POLQ: variants seen among roughly 807,000 people sequenced by gnomAD.
The protein encoded by POLQ is DNA polymerase theta.
Under a neutral mutation model 259.2 loss-of-function variants are expected in POLQ, and 233 were observed. The observed-to-expected ratio is 0.90, with a 90% CI of 0.81 to 1.00. POLQ has a LOEUF of 1.00. Among genes scored for constraint, POLQ ranks in the 50% least tolerant of loss-of-function variants. The pLI, the probability that POLQ is intolerant of heterozygous loss-of-function variation, is 0.00. For synonymous variants in POLQ, 1,025 were observed against 1,048.8 expected, an observed-to-expected ratio of 0.98 and a Z score of 0.44; for missense variants, 2,871 against 3,051.6, an observed-to-expected ratio of 0.94 and a Z score of 1.39.
rs1380178276 is a variant in POLQ, at chr3:121,487,997, A to G, written c.4934T>C (p.Ile1645Thr). Residue 1645 changes from isoleucine (I) to threonine (T), a missense_variant, in exon 16 of 30, where the codon ATT becomes ACT. Ile to Thr is a moderately conservative substitution (Grantham distance 89). Transcript: ENST00000264233. ...SFDLSPGLQR[I>T]LDKVSSPLEN... is the part of the protein sequence containing the mutation. ...TAGAGGACTGGATACTTTATCTAAA[A>G]TCCTTTGCAGTCCTGGACTTAGATC... 6.2e-7 allele frequency: 1 copy of G among 1,612,946 alleles called. No homozygotes were observed. Among genetic ancestry groups the G allele is most frequent in the Non-Finnish European group, 8.5e-7 (1 of 1,179,642 alleles).
intron 8 of POLQ, 93 bp downstream of exon 8, chr3:121,521,910 T>C: frequency 2.2e-6 from 2 of 900,230 alleles, no homozygotes; most frequent in Non-Finnish European, 3.3e-6. Flanking sequence ...ACATTAAGTG[T>C]GTTTAACAAG....
intron 4 of POLQ, among the ~76,000 whole-genome samples, chr3:121,538,405 G>A (rs938589004): frequency 6.6e-6 from 1 of 151,822 alleles, no homozygotes; most frequent in East Asian, 1.9e-4. Context: ...GTTTCCACAT[G>A]TACTGGTATT....
chr3:121,497,783 C>T (rs554719510), intron 13 of POLQ, among the ~76,000 whole-genome samples: 1 of 152,254 alleles, frequency 6.6e-6, no homozygotes, highest in Admixed American at 6.5e-5. Context: ...CCAATTTTTC[C>T]ACCTGAATCT....
At position 121,460,036 on chromosome 3, in the gene POLQ, T is replaced by C. The variant is rs1486328806; in HGVS notation, c.7152+14A>G. The C allele has an allele frequency of 6.2e-7, 1 of 1,600,996 alleles. No homozygotes were observed. The highest frequency in any genetic ancestry group is 2.2e-5 in the East Asian group (1 of 44,826). ...ATTCTTCTCCTTTATATTAACCATG[T>C]TCACTAAAATCACCTGTTTTGCCTG... On this transcript the variant is annotated intron_variant, in intron 25 of 29. Transcript: ENST00000264233.
At chr3:121,508,246 C>T (rs185535482) in intron 12 of POLQ, among the ~76,000 whole-genome samples, 4 of 152,166 alleles carry the variant, frequency 2.6e-5, no homozygotes, top group South Asian at 4.1e-4. Context: ...CTAACACTGC[C>T]AACAGTCTTC....
chr3:121,468,755 C>T (rs986481727), intron 22 of POLQ, among the ~76,000 whole-genome samples: 20 of 152,024 alleles, frequency 1.3e-4, no homozygotes, highest in Admixed American at 3.9e-4. Context: ...AACATGTTAG[C>T]GGTCATATTA....
intron 21 of POLQ, among the ~76,000 whole-genome samples, chr3:121,472,498 GC>G (rs1383482630): frequency 6.6e-6 from 1 of 151,984 alleles, no homozygotes; most frequent in East Asian, 1.9e-4. Flanking sequence ...TTCCTCCTTC[GC>G]TCCTCACATG....
chr3:121,453,882 G>A (rs942917692), intron 25 of POLQ, among the ~76,000 whole-genome samples: 24 of 152,050 alleles, frequency 1.6e-4, no homozygotes, highest in Non-Finnish European at 2.5e-4. Context: ...TCCAGAGAAC[G>A]CCACAAAGAT....
chr3:121,436,020 T>C (rs1205635005), intron 28 of POLQ, 102 bp downstream of exon 28: 1 of 987,660 alleles, frequency 1.0e-6, no homozygotes, highest in Non-Finnish European at 1.5e-6. Context: ...GACCAAAACA[T>C]TTGAGAACTG....
At position 121,488,464 on chromosome 3, in the gene POLQ, T is replaced by G. The variant is rs1293573010; in HGVS notation, c.4467A>C (p.Leu1489Phe). The G allele has an allele frequency of 6.2e-7, 1 of 1,609,730 alleles. No individual in the cohort carries two copies. Among genetic ancestry groups the G allele is most frequent in the South Asian group, 1.1e-5 (1 of 89,896 alleles). ...AGTCATCACTGAAGCTATCAAATAG[T>G]AAACTATCACTCATATTCAAACTTG... ...PETSLNMSDS[L>F]LFDSFSDDYL... Residue 1489 changes from leucine to phenylalanine, a missense_variant, in exon 16 of 30, where the codon TTA becomes TTC. This residue lies in a region of POLQ where 2,080 missense variants were observed against 2,126.0 expected (regional missense o/e 0.98). Transcript: ENST00000264233.
At position 121,519,893 on chromosome 3, in the gene POLQ, G is replaced by A; in HGVS notation, c.1446C>T (p.Gly482=). The A allele has an allele frequency of 1.3e-6, 2 of 1,594,224 alleles. No individual in the cohort carries two copies. Among genetic ancestry groups the A allele is most frequent in the Non-Finnish European group, 1.7e-6 (2 of 1,162,020 alleles). ...TACCTACTGTGTCCACTCCTTTCCT[G>A]CCAGCACGGCCAACCATCTGCTTAT... ...LTYKQMVGRA[G]RKGVDTVGES... The change falls in exon 9 of 30, where the codon GGC becomes GGT. Residue 482 remains glycine, a synonymous_variant. Coordinates refer to ENST00000264233, the MANE Select transcript of POLQ (RefSeq NM_199420.4).
intron 19 of POLQ, among the ~76,000 whole-genome samples, chr3:121,478,690 G>A (rs1474165132): frequency 2.0e-5 from 3 of 150,834 alleles, no homozygotes; most frequent in African/African-American, 7.3e-5. Context: ...ATAGAAAAAA[G>A]CTATATGAAC....
intron 25 of POLQ, among the ~76,000 whole-genome samples, chr3:121,457,523 CAAACAAACTTACAAGAAAA>C (rs1435072242): frequency 6.6e-6 from 1 of 152,028 alleles, no homozygotes; most frequent in African/African-American, 2.4e-5. Flanking sequence ...ACAATGAACT[CAAACAAACTTACAAGAAAA>C]AAACAAACAA....
chr3:121,447,925 T>C (rs1431389859), intron 26 of POLQ, among the ~76,000 whole-genome samples: 1 of 152,240 alleles, frequency 6.6e-6, no homozygotes, highest in Non-Finnish European at 1.5e-5. Context: ...TATTTGATTA[T>C]TTTATCTTGC....
chr3:121,538,102 T>G (rs1479626410), intron 4 of POLQ, among the ~76,000 whole-genome samples: 1 of 152,150 alleles, frequency 6.6e-6, no homozygotes, highest in Non-Finnish European at 1.5e-5. Flanking sequence ...ATCAAAGACA[T>G]CTATGTCAGT....
chr3:121,519,207 G>T (rs2048319184), intron 9 of POLQ, among the ~76,000 whole-genome samples: 1 of 151,926 alleles, frequency 6.6e-6, no homozygotes, highest in African/African-American at 2.4e-5. Flanking sequence ...AAATTAATTA[G>T]TGCTAAAGAG....
At chr3:121,440,216 A>G in intron 26 of POLQ, 100 bp from the exon 27 acceptor site, 1 of 791,022 alleles carries the variant, frequency 1.3e-6, no homozygotes, top group Non-Finnish European at 2.0e-6. Context: ...CCCCACGATG[A>G]TTCTTAACAT....
Position 121,537,758 on chromosome 3 carries a change from G to C in POLQ, c.632-550C>G, listed in dbSNP as rs149478942. Among the ~76,000 whole-genome samples the C allele has an allele frequency of 2.1e-3, 315 of 152,210 alleles. 2 individuals are homozygous for C. The Middle Eastern group carries it at 0.031, about 15-fold the overall frequency. On this transcript the variant is annotated intron_variant, in intron 4 of 29. Coordinates refer to ENST00000264233, the MANE Select transcript of POLQ (RefSeq NM_199420.4). ...ACAAGAGAAAAACAAATGGGACCTAGAGAAATCACAACGGCTCCACTTCAT... is the reference window on the plus strand; with the variant it reads ...ACAAGAGAAAAACAAATGGGACCTACAGAAATCACAACGGCTCCACTTCAT...
chr3:121,486,919 G>A (rs996881988), intron 16 of POLQ, among the ~76,000 whole-genome samples: 2 of 147,332 alleles, frequency 1.4e-5, no homozygotes, highest in African/African-American at 2.6e-5. Context: ...GAGAGAGAGA[G>A]AGAAAGAAAA....
Sources: allele counts gnomAD v4.1 joint callset (sites outside exome capture counted in the v4.1 genomes callset), GRCh38; gene constraint gnomAD v4.1.1; regional missense constraint gnomAD v4.1.1; transcripts MANE v1.5; gene names NCBI Gene and HGNC (gene_info 2026-07-23, HGNC 2026-07-21).